The following QTMAN variants were observed in gnomAD, a reference collection of about 807,000 sequenced individuals.
QTMAN encodes tRNA-queuosine alpha-mannosyltransferase.
At chr2:144,015,151 A>G in the QTMAN span, among the ~76,000 whole-genome samples, 14 of 152,310 alleles carry the variant, frequency 9.2e-5, no homozygotes, top group East Asian at 2.7e-3. Context: ...GCTACCTTAC[A>G]TGTTGCCAGA....
the QTMAN span, among the ~76,000 whole-genome samples, chr2:143,992,379 C>T: frequency 6.9e-6 from 1 of 145,296 alleles, no homozygotes; most frequent in South Asian, 2.3e-4. Flanking sequence ...TCTCAAGTAC[C>T]CAGGGACACA....
chr2:144,039,289 C>A, the QTMAN span, among the ~76,000 whole-genome samples: 1 of 151,994 alleles, frequency 6.6e-6, no homozygotes, highest in African/African-American at 2.4e-5. Context: ...GTCTCCCCCT[C>A]CCCCCTGCTC....
the QTMAN span, among the ~76,000 whole-genome samples, chr2:143,966,338 T>A: frequency 7.2e-5 from 11 of 152,344 alleles, 1 homozygote; most frequent in South Asian, 2.3e-3. Context: ...ACATGCTATG[T>A]GCTCAAGAAA....
At chr2:144,190,917 T>C in the QTMAN span, among the ~76,000 whole-genome samples, 1 of 152,338 alleles carries the variant, frequency 6.6e-6, no homozygotes, top group African/African-American at 2.4e-5. Context: ...ACCCCCATTA[T>C]AAAACCACTA....
the QTMAN span, among the ~76,000 whole-genome samples, chr2:144,082,254 T>C: frequency 6.6e-6 from 1 of 152,166 alleles, no homozygotes; most frequent in Admixed American, 6.5e-5. Context: ...TATTTCTTTA[T>C]GGAAGAAGAC....
the QTMAN span, among the ~76,000 whole-genome samples, chr2:144,259,969 G>GT: frequency 6.6e-6 from 1 of 152,068 alleles, no homozygotes; most frequent in African/African-American, 2.4e-5. Flanking sequence ...GTTGCACAGC[G>GT]TGACAAGTTA....
chr2:144,107,918 G>A, the QTMAN span, among the ~76,000 whole-genome samples: 1 of 152,124 alleles, frequency 6.6e-6, no homozygotes, highest in Non-Finnish European at 1.5e-5. Context: ...GATCAAGTGG[G>A]CTTCATCCCT....
the QTMAN span, among the ~76,000 whole-genome samples, chr2:144,200,874 T>C: frequency 1.3e-5 from 2 of 152,168 alleles, no homozygotes; most frequent in African/African-American, 4.8e-5. Context: ...GAAGAGATGA[T>C]ATCTTTAGGC....
the QTMAN span, among the ~76,000 whole-genome samples, chr2:144,279,703 C>T: frequency 8.5e-5 from 13 of 152,168 alleles, no homozygotes; most frequent in Admixed American, 7.2e-4. Context: ...CCACCAAGTT[C>T]GGCCACCAAA....
chr2:144,235,006 C>G, the QTMAN span, among the ~76,000 whole-genome samples: 1 of 152,182 alleles, frequency 6.6e-6, no homozygotes, highest in Non-Finnish European at 1.5e-5. Context: ...AAGGGTAAGT[C>G]TGCCATGTAA....
the QTMAN span, among the ~76,000 whole-genome samples, chr2:144,287,523 A>T: frequency 4.6e-5 from 7 of 152,262 alleles, no homozygotes; most frequent in East Asian, 1.2e-3. Context: ...CTGGTAATCA[A>T]ATAGAAATTA....
the QTMAN span, among the ~76,000 whole-genome samples, chr2:144,269,974 ATTATTTTATAGTTTAGATGGG>A: frequency 6.6e-6 from 1 of 152,178 alleles, no homozygotes; most frequent in African/African-American, 2.4e-5. Flanking sequence ...ACTATTGATC[ATTATTTTATAGTTTAGATGGG>A]TTATTTTAAT....
At chr2:144,080,292 G>A in the QTMAN span, among the ~76,000 whole-genome samples, 2 of 152,054 alleles carry the variant, frequency 1.3e-5, no homozygotes, top group African/African-American at 4.8e-5. Flanking sequence ...TGGAAAGAAT[G>A]ACATCCTTAA....
At chr2:144,110,726 T>G in the QTMAN span, among the ~76,000 whole-genome samples, 5 of 145,596 alleles carry the variant, frequency 3.4e-5, no homozygotes, top group Non-Finnish European at 7.5e-5. Context: ...TAATGAAATC[T>G]TACATTACGA....
chr2:144,317,364 G>GGGAAGGAAGGAAGGATGGAA, the QTMAN span: 1 of 88,176 alleles, frequency 1.1e-5, no homozygotes, highest in African/African-American at 4.0e-5. Flanking sequence ...GATCTTCAAG[G>GGGAAGGAAGGAAGGATGGAA]GGAAGGAAGG....
the QTMAN span, among the ~76,000 whole-genome samples, chr2:144,175,448 G>A: frequency 4.9e-4 from 75 of 152,126 alleles, no homozygotes; most frequent in Non-Finnish European, 9.6e-4. Context: ...AAACAGTAGA[G>A]TTCCATAACA....
chr2:144,128,341 C>T, the QTMAN span: 5 of 151,952 alleles, frequency 3.3e-5, no homozygotes, highest in Admixed American at 6.6e-5. Flanking sequence ...ACAAAATACG[C>T]TATCAGCAAG....
the QTMAN span, among the ~76,000 whole-genome samples, chr2:144,053,885 A>C: frequency 4.6e-5 from 7 of 152,130 alleles, no homozygotes; most frequent in Admixed American, 1.3e-4. Flanking sequence ...TCCACCAAAA[A>C]ACAATGTTAA....
the QTMAN span, among the ~76,000 whole-genome samples, chr2:143,988,540 TC>T: frequency 6.6e-6 from 1 of 152,216 alleles, no homozygotes; most frequent in Admixed American, 6.5e-5. Flanking sequence ...CAGGAACTGC[TC>T]TAAGACCAGT....
Sources: allele counts gnomAD v4.1 joint callset (sites outside exome capture counted in the v4.1 genomes callset), GRCh38; gene constraint gnomAD v4.1.1; transcripts MANE v1.5; gene names NCBI Gene and HGNC (gene_info 2026-07-23, HGNC 2026-07-21).